PDE4D: variants seen among roughly 807,000 people sequenced by gnomAD.
The protein encoded by PDE4D is phosphodiesterase 4D.
PDE4D carries 24 observed loss-of-function variants against 87.4 expected under a neutral mutation model. The ratio of observed to expected loss-of-function variants is 0.27; its 90% CI spans 0.20 to 0.39. The LOEUF (loss-of-function observed/expected upper bound fraction) is 0.39. PDE4D is among the 10% of genes least tolerant of loss of function. The probability of loss-of-function intolerance (pLI) is 1.00; values close to 1 mark genes in which losing one functional copy is unlikely to be tolerated. For synonymous variants in PDE4D, 384 were observed against 383.2 expected (o/e 1.00, Z -0.02); for missense variants, 714 against 1,041.0 (o/e 0.69, Z 4.32).
chr5:60,451,955 T>C lies in PDE4D; in HGVS notation c.-90+35987A>G, dbSNP rs1583814341. Among the ~76,000 whole-genome samples the C allele has an allele frequency of 2.0e-5, 3 of 152,206 alleles. No individual in the cohort carries two copies. In the South Asian group the frequency reaches 6.2e-4, roughly 32 times the overall value. ...CTATGTAATGACAATAATAAAGACCTCTTCTACCTGGACTCTCAAAAAAAC... is the reference window on the plus strand; with the variant it reads ...CTATGTAATGACAATAATAAAGACCCCTTCTACCTGGACTCTCAAAAAAAC... On this transcript the variant is annotated intron_variant, in intron 1 of 16. Transcript: ENST00000502484.
intron 1 of PDE4D, among the ~76,000 whole-genome samples, chr5:60,346,657 T>C (rs1758770579): frequency 6.6e-6 from 1 of 152,134 alleles, no homozygotes; most frequent in Non-Finnish European, 1.5e-5. Context: ...GCCTCAGCTC[T>C]GCCACTAATT....
intron 5 of PDE4D, among the ~76,000 whole-genome samples, chr5:59,080,866 G>A (rs1766609676): frequency 1.3e-5 from 2 of 152,074 alleles, no homozygotes; most frequent in Non-Finnish European, 2.9e-5. Context: ...GAAGGAGATA[G>A]CATATATTCT....
At chr5:60,157,535 G>A (rs1255753556) in intron 2 of PDE4D, among the ~76,000 whole-genome samples, 1 of 152,144 alleles carries the variant, frequency 6.6e-6, no homozygotes. Context: ...CATTAAGGAA[G>A]ACCTCTCCCT....
At chr5:60,080,550 G>T (rs747743968) in intron 2 of PDE4D, among the ~76,000 whole-genome samples, 1 of 152,144 alleles carries the variant, frequency 6.6e-6, no homozygotes, top group East Asian at 1.9e-4. Context: ...TTTGAGAAAT[G>T]TTCCATCAAT....
At chr5:60,018,619 G>C (rs888904452) in intron 2 of PDE4D, among the ~76,000 whole-genome samples, 7 of 152,102 alleles carry the variant, frequency 4.6e-5, no homozygotes, top group African/African-American at 1.7e-4. Context: ...GATACACAAA[G>C]GCTCAAAATA....
chr5:59,519,418 C>T (rs766427599), intron 1 of PDE4D, among the ~76,000 whole-genome samples: 1 of 152,166 alleles, frequency 6.6e-6, no homozygotes, highest in Non-Finnish European at 1.5e-5. Context: ...ATCTGAAGGG[C>T]AGGATGGAAC....
At chr5:59,304,337 G>A (rs1408338878) in intron 1 of PDE4D, among the ~76,000 whole-genome samples, 2 of 152,034 alleles carry the variant, frequency 1.3e-5, no homozygotes, top group Non-Finnish European at 2.9e-5. Flanking sequence ...CATATCATCA[G>A]CAAACAGTGA....
intron 1 of PDE4D, among the ~76,000 whole-genome samples, chr5:59,829,493 T>C (rs948066581): frequency 6.6e-6 from 1 of 152,010 alleles, no homozygotes; most frequent in African/African-American, 2.4e-5. Context: ...CAGCTGTTTT[T>C]CCCACATTTC....
In PDE4D at chr5:59,459,363, C is replaced by T. The variant is rs192014888; in HGVS notation, c.456-243395G>A. On this transcript the variant is annotated intron_variant, in intron 1 of 14. Coordinates refer to ENST00000340635, the MANE Select transcript of PDE4D (RefSeq NM_001104631.2). ...GCCTGGAATGTGTTTGTCTCTATCT[C>T]GGTAGTTCCAACAGTGCTTACCTGT... Among the ~76,000 whole-genome samples the T allele has an allele frequency of 1.2e-3, 183 of 152,276 alleles. 1 individual carries two copies. Among genetic ancestry groups the T allele is most frequent in the South Asian group, 3.5e-3 (17 of 4,822 alleles).
At chr5:59,746,351 TG>T (rs1290886763) in intron 1 of PDE4D, among the ~76,000 whole-genome samples, 1 of 152,170 alleles carries the variant, frequency 6.6e-6, no homozygotes, top group East Asian at 1.9e-4. Flanking sequence ...GAAGTGAAGA[TG>T]ACTGGGCAGA....
intron 2 of PDE4D, among the ~76,000 whole-genome samples, chr5:60,030,455 T>C (rs1370578626): frequency 1.3e-5 from 2 of 152,010 alleles, no homozygotes; most frequent in Admixed American, 6.6e-5. Flanking sequence ...AGACTCCGTC[T>C]CAAAAAACAA....
At chr5:60,228,180 A>G (rs2149615821) in intron 1 of PDE4D, among the ~76,000 whole-genome samples, 1 of 152,044 alleles carries the variant, frequency 6.6e-6, no homozygotes, top group Middle Eastern at 3.4e-3. Flanking sequence ...CTTTCCCTCT[A>G]CCATTTATAA....
intron 1 of PDE4D, among the ~76,000 whole-genome samples, chr5:59,754,952 G>A (rs1002485815): frequency 6.6e-6 from 1 of 152,014 alleles, no homozygotes. Flanking sequence ...GCAACTAAGG[G>A]ATTGAGAACA....
chr5:60,424,637 C>G (rs1201519328), intron 1 of PDE4D, among the ~76,000 whole-genome samples: 1 of 152,152 alleles, frequency 6.6e-6, no homozygotes, highest in East Asian at 1.9e-4. Flanking sequence ...CAAGGATGCC[C>G]TCTCTCACCA....
At chr5:59,818,230 C>T (rs533120848) in intron 1 of PDE4D, among the ~76,000 whole-genome samples, 5 of 152,322 alleles carry the variant, frequency 3.3e-5, no homozygotes, top group African/African-American at 9.6e-5. Context: ...AATTGGTGAT[C>T]GCCTAGCTGT....
intron 1 of PDE4D, among the ~76,000 whole-genome samples, chr5:59,476,879 A>T (rs1803366680): frequency 6.6e-6 from 1 of 152,072 alleles, no homozygotes; most frequent in Admixed American, 6.6e-5. Context: ...TTGCTTGCAA[A>T]CTACACTTAT....
chr5:59,213,379 C>G (rs1233110407), intron 2 of PDE4D, among the ~76,000 whole-genome samples: 1 of 152,052 alleles, frequency 6.6e-6, no homozygotes, highest in East Asian at 1.9e-4. Context: ...CAAGGCAGGT[C>G]TTCTTTGTCC....
chr5:59,780,715 A>G (rs1764527797), intron 1 of PDE4D, among the ~76,000 whole-genome samples: 1 of 152,148 alleles, frequency 6.6e-6, no homozygotes, highest in African/African-American at 2.4e-5. Flanking sequence ...TCAGCTGTAA[A>G]CTTACTGAAT....
intron 6 of PDE4D, among the ~76,000 whole-genome samples, chr5:59,012,200 G>A (rs1413747098): frequency 6.6e-6 from 1 of 152,116 alleles, no homozygotes; most frequent in Admixed American, 6.6e-5. Flanking sequence ...GCAAAAACAT[G>A]CCAAATTGTA....
Sources: allele counts gnomAD v4.1 joint callset (sites outside exome capture counted in the v4.1 genomes callset), GRCh38; gene constraint gnomAD v4.1.1; transcripts MANE v1.5; gene names NCBI Gene and HGNC (gene_info 2026-07-23, HGNC 2026-07-21).